Variants in CLSTN2 observed in about 807,000 individuals in gnomAD.
CLSTN2 encodes calsyntenin 2, also known as calsyntenin-2.
A neutral mutation model predicts 101.2 loss-of-function variants in CLSTN2; 48 were observed. The ratio of observed to expected loss-of-function variants is 0.47; its 90% CI spans 0.38 to 0.60. The LOEUF is 0.60. CLSTN2 is among the 20% of genes least tolerant of loss of function. The pLI is 0.00. For missense variants in CLSTN2, 1,160 were observed against 1,238.2 expected (o/e 0.94, Z 0.95); for synonymous variants, 481 against 463.6 (o/e 1.04, Z -0.48).
chr3:140,372,148 G>A (rs1052242560), intron 2 of CLSTN2, among the ~76,000 whole-genome samples: 1 of 152,182 alleles, frequency 6.6e-6, no homozygotes, highest in Admixed American at 6.5e-5. Context: ...GAACACTCAT[G>A]TCTTTCTCCC....
At chr3:139,973,191 T>A (rs1348292961) in intron 1 of CLSTN2, among the ~76,000 whole-genome samples, 1 of 152,214 alleles carries the variant, frequency 6.6e-6, no homozygotes, top group Non-Finnish European at 1.5e-5. Context: ...AGGAGCGTGA[T>A]CTGCCATGAA....
chr3:140,027,035 T>A (rs544601355), intron 1 of CLSTN2, among the ~76,000 whole-genome samples: 1 of 152,330 alleles, frequency 6.6e-6, no homozygotes, highest in East Asian at 1.9e-4. Context: ...GTGGTGAGAT[T>A]TCTCTTTAAG....
At chr3:140,543,734 C>T (rs1456369530) in intron 9 of CLSTN2, among the ~76,000 whole-genome samples, 1 of 152,200 alleles carries the variant, frequency 6.6e-6, no homozygotes, top group African/African-American at 2.4e-5. Context: ...GGAAAGAGAG[C>T]AAGAATTTGT....
chr3:140,375,512 T>C (rs2087906689), intron 2 of CLSTN2, among the ~76,000 whole-genome samples: 1 of 152,212 alleles, frequency 6.6e-6, no homozygotes, highest in Non-Finnish European at 1.5e-5. Flanking sequence ...TTTTGTTTTA[T>C]TGCCCAATTA....
intron 1 of CLSTN2, among the ~76,000 whole-genome samples, chr3:139,957,531 G>A (rs1935430036): frequency 6.6e-6 from 1 of 150,942 alleles, no homozygotes; most frequent in Admixed American, 6.6e-5. Flanking sequence ...TGGTTTATTA[G>A]ATAATGAGCT....
chr3:140,355,401 A>T (rs1049802042), intron 2 of CLSTN2, among the ~76,000 whole-genome samples: 2 of 152,138 alleles, frequency 1.3e-5, no homozygotes, highest in Admixed American at 6.5e-5. Context: ...GATTGTTGTG[A>T]GGCTTAATGA....
chr3:140,474,298 G>A (rs1354594716), intron 8 of CLSTN2, among the ~76,000 whole-genome samples: 1 of 152,006 alleles, frequency 6.6e-6, no homozygotes, highest in African/African-American at 2.4e-5. Flanking sequence ...TCTACCACAG[G>A]TCTCCACAGC....
Position 140,175,958 on chromosome 3 carries a change from G to A in CLSTN2, c.117G>A (p.Lys39=), listed in dbSNP as rs200330571. The change falls in exon 2 of 17, where the codon AAG becomes AAA. Residue 39 remains lysine, a synonymous_variant. Coordinates refer to ENST00000458420, the MANE Select transcript of CLSTN2 (RefSeq NM_022131.3). ...TTCCCCCTTATTTTCTAGTCAATAA[G>A]CACAAGCCATGGATCGAGACTTCAT... ...QRRLLAAKVN[K]HKPWIETSYH... 2.5e-6 allele frequency: 4 copies of A among 1,611,370 alleles called. No homozygotes were observed. The highest frequency in any genetic ancestry group is 4.5e-5 in the East Asian group (2 of 44,816).
At chr3:140,009,235 C>T (rs796669646) in intron 1 of CLSTN2, among the ~76,000 whole-genome samples, 1 of 152,152 alleles carries the variant, frequency 6.6e-6, no homozygotes, top group Non-Finnish European at 1.5e-5. Context: ...TCCTGAAGCC[C>T]CATTTTCTGA....
intron 1 of CLSTN2, among the ~76,000 whole-genome samples, chr3:140,028,173 TGG>T (rs1432565357): frequency 6.6e-6 from 1 of 152,120 alleles, no homozygotes; most frequent in Non-Finnish European, 1.5e-5. Flanking sequence ...CCTAGCACAT[TGG>T]GGGAATAGCA....
chr3:140,244,783 CTTA>C (rs1436458053), intron 2 of CLSTN2, among the ~76,000 whole-genome samples: 5 of 152,126 alleles, frequency 3.3e-5, no homozygotes, highest in African/African-American at 1.2e-4. Flanking sequence ...GTGTTAATAT[CTTA>C]TTAAGTTTGT....
chr3:140,000,698 C>T (rs1347848039), intron 1 of CLSTN2, among the ~76,000 whole-genome samples: 1 of 152,130 alleles, frequency 6.6e-6, no homozygotes, highest in African/African-American at 2.4e-5. Context: ...TAAAGGTGAT[C>T]CCTGGGTGCT....
chr3:140,239,198 A>T (rs1002773951), intron 2 of CLSTN2, among the ~76,000 whole-genome samples: 1 of 152,070 alleles, frequency 6.6e-6, no homozygotes, highest in Admixed American at 6.6e-5. Flanking sequence ...TGAAAAGCAA[A>T]ATGAGTTAAC....
intron 8 of CLSTN2, among the ~76,000 whole-genome samples, chr3:140,515,726 G>C (rs1178832605): frequency 2.0e-5 from 3 of 152,082 alleles, no homozygotes; most frequent in African/African-American, 7.2e-5. Flanking sequence ...GTCTGAGAGA[G>C]TGTTTGATAT....
chr3:140,510,234 G>A (rs759393908), intron 8 of CLSTN2, among the ~76,000 whole-genome samples: 10 of 152,138 alleles, frequency 6.6e-5, no homozygotes, highest in Non-Finnish European at 1.3e-4. Context: ...ATAAGTCAGG[G>A]ATCATCTGTA....
intron 8 of CLSTN2, among the ~76,000 whole-genome samples, chr3:140,491,430 C>A (rs1017508930): frequency 1.3e-5 from 2 of 152,142 alleles, no homozygotes; most frequent in Non-Finnish European, 2.9e-5. Context: ...CTTGAATGAA[C>A]TTTTAAAAAT....
At chr3:140,124,426 C>G (rs551534074) in intron 1 of CLSTN2, among the ~76,000 whole-genome samples, 11 of 152,028 alleles carry the variant, frequency 7.2e-5, no homozygotes, top group Non-Finnish European at 1.5e-4. Flanking sequence ...GTAAAATAGG[C>G]AAGGGATGAT....
At chr3:139,941,596 C>A (rs189004655) in intron 1 of CLSTN2, among the ~76,000 whole-genome samples, 29 of 152,172 alleles carry the variant, frequency 1.9e-4, no homozygotes, top group Non-Finnish European at 3.1e-4. Context: ...CGAAGCCTTG[C>A]AGGAAAGGAA....
In CLSTN2 at chr3:140,210,550, G is replaced by A. The variant is rs192947994; in HGVS notation, c.232+34477G>A. 1.6e-4 allele frequency among the ~76,000 whole-genome samples: 25 copies of A among 152,314 alleles called. No homozygotes were observed. In the East Asian group the frequency reaches 2.7e-3, roughly 16 times the overall value. On this transcript the variant is annotated intron_variant, in intron 2 of 16. Transcript: ENST00000458420. ...TTTGAGAGCAATTTTTGGTTTTCTC[G>A]TGTTATACTGAGGGAATGTATATAC...
Sources: gnomAD v4.1 joint callset for allele counts (sites outside exome capture counted in the v4.1 genomes callset) on GRCh38, gnomAD v4.1.1 for gene constraint, MANE v1.5 for transcripts, NCBI Gene and HGNC (gene_info 2026-07-23, HGNC 2026-07-21) for gene names.